Variants in FAM161A observed in about 807,000 individuals in gnomAD.
The protein encoded by FAM161A is protein FAM161A.
In FAM161A, 57 loss-of-function variants were observed where a neutral mutation model predicts 70.9. The ratio of observed to expected loss-of-function variants is 0.80; its 90% CI spans 0.65 to 1.00. The LOEUF (loss-of-function observed/expected upper bound fraction) is 1.00, where lower values mean the gene tolerates loss of function less well. Ranked by LOEUF, FAM161A falls within the 50% of genes least tolerant of loss-of-function variation. The pLI, the probability that FAM161A is intolerant of heterozygous loss-of-function variation, is 0.00. For synonymous variants in FAM161A, 299 were observed against 295.7 expected (o/e 1.01, Z -0.12); for missense variants, 880 against 836.0 (o/e 1.05, Z -0.65).
the FAM161A span, among the ~76,000 whole-genome samples, chr2:61,819,181 T>A: frequency 6.6e-6 from 1 of 152,254 alleles, no homozygotes; most frequent in African/African-American, 2.4e-5. Flanking sequence ...AAAAAGAGAC[T>A]AAAGAGCTAT....
chr2:61,819,274 C>A, the FAM161A span, among the ~76,000 whole-genome samples: 1 of 152,136 alleles, frequency 6.6e-6, no homozygotes, highest in Non-Finnish European at 1.5e-5. Flanking sequence ...CCAGCCTGGG[C>A]AACATGGCAA....
intron 1 of FAM161A, among the ~76,000 whole-genome samples, chr2:61,849,925 G>A (rs1261843482): frequency 3.7e-5 from 5 of 133,976 alleles, no homozygotes; most frequent in Admixed American, 1.6e-4. Flanking sequence ...GAGTACACAC[G>A]AACATAAACA....
intron 5 of FAM161A, among the ~76,000 whole-genome samples, chr2:61,834,369 G>A (rs1439844554): frequency 6.6e-6 from 1 of 152,030 alleles, no homozygotes; most frequent in Non-Finnish European, 1.5e-5. Flanking sequence ...GTGGAGGGAG[G>A]AGGGCAAGGG....
At chr2:61,824,738 T>C, downstream of FAM161A, 1 of 290,004 alleles carries the variant, frequency 3.4e-6, no homozygotes, top group East Asian at 9.0e-5. Flanking sequence ...TTTTAAGTAC[T>C]ATTACAATTT....
At position 61,837,064 on chromosome 2, in the gene FAM161A, CATT is replaced by C. The variant is rs1329220761; in HGVS notation, c.1752-958_1752-956del. On this transcript the variant is annotated intron_variant, in intron 4 of 6. Transcript: ENST00000404929. The stretch of plus-strand genomic sequence containing the variant: ...AAATTTTTTGTAGAGATGGGGGTCT[CATT>C]ATGTTTACCAGGCTGGTCTCAAACT... Among the ~76,000 whole-genome samples the C allele has an allele frequency of 5.9e-5, 9 of 152,144 alleles. No individual in the cohort carries two copies. In the East Asian group the frequency reaches 1.7e-3, roughly 29 times the overall value.
the FAM161A span, among the ~76,000 whole-genome samples, chr2:61,816,859 C>A: frequency 6.6e-6 from 1 of 152,162 alleles, no homozygotes. Flanking sequence ...ACTCTAGCCA[C>A]ACTGGCTGCA....
chr2:61,815,135 G>C, the FAM161A span, among the ~76,000 whole-genome samples: 2 of 152,110 alleles, frequency 1.3e-5, no homozygotes, highest in African/African-American at 4.8e-5. Flanking sequence ...CTTTTATATA[G>C]ACCTTAAGTC....
chr2:61,825,021 GT>G lies in FAM161A; in HGVS notation c.*1433del, dbSNP rs1417232657. 4.4e-6 allele frequency: 2 copies of G among 453,180 alleles called. No individual in the cohort carries two copies. Among genetic ancestry groups the G allele is most frequent in the Non-Finnish European group, 4.4e-6 (1 of 226,612 alleles). 28.1% of individuals were successfully genotyped at this position (453,180 alleles called of 1,614,324 possible). A position where few individuals can be genotyped will look rare whatever the true frequency, so the allele number is the denominator to read the frequency against. ...ACGAACTGTAGGAAGAAAATTACAAGTAAACATTTGCCCCTGATGGAGAAAA... is the reference window on the plus strand; with the variant it reads ...ACGAACTGTAGGAAGAAAATTACAAGAAACATTTGCCCCTGATGGAGAAAA... On this transcript the variant is annotated 3_prime_UTR_variant, in exon 7 of 7. Transcript: ENST00000404929.
At chr2:61,810,453 C>CTTTTTTTTTT in the FAM161A span, among the ~76,000 whole-genome samples, 6 of 95,614 alleles carry the variant, frequency 6.3e-5, no homozygotes, top group African/African-American at 8.6e-5. Context: ...CCAGCACTTC[C>CTTTTTTTTTT]TTTTTTTTTT....
At chr2:61,823,361 TCATATA>T (rs1383945459), downstream of FAM161A, among the ~76,000 whole-genome samples, 11 of 9,320 alleles carry the variant, frequency 1.2e-3, no homozygotes, top group African/African-American at 2.5e-3. Flanking sequence ...AAATTTTCCA[TCATATA>T]TATATATATA....
At chr2:61,826,799 T>C (rs530255784) in intron 6 of FAM161A, among the ~76,000 whole-genome samples, 200 bp from the exon 7 acceptor site, 1 of 152,328 alleles carries the variant, frequency 6.6e-6, no homozygotes, top group African/African-American at 2.4e-5. Context: ...AAAACTAATT[T>C]ATTTCAAAAT....
At chr2:61,800,380 C>T in the FAM161A span, among the ~76,000 whole-genome samples, 1 of 152,308 alleles carries the variant, frequency 6.6e-6, no homozygotes, top group South Asian at 2.1e-4. Context: ...TGTTTTCCCA[C>T]ATGGTCAGGA....
intron 4 of FAM161A, 97 bp from the exon 5 acceptor site, chr2:61,836,206 TGA>T (rs758280159): frequency 5.5e-6 from 5 of 913,196 alleles, no homozygotes; most frequent in Non-Finnish European, 7.0e-6. Flanking sequence ...ACAAAGTCAA[TGA>T]AAAAAAAGAA....
At chr2:61,811,860 T>C in the FAM161A span, among the ~76,000 whole-genome samples, 1 of 152,000 alleles carries the variant, frequency 6.6e-6, no homozygotes, top group Non-Finnish European at 1.5e-5. Flanking sequence ...CTCCCAAAGC[T>C]CCCTATCTCA....
downstream of FAM161A, among the ~76,000 whole-genome samples, chr2:61,821,547 T>C (rs1244103733): frequency 2.0e-5 from 3 of 152,170 alleles, no homozygotes. Context: ...GCCATAGTTT[T>C]ATTTTTCATT....
At chr2:61,813,990 G>A in the FAM161A span, among the ~76,000 whole-genome samples, 1 of 152,094 alleles carries the variant, frequency 6.6e-6, no homozygotes, top group Non-Finnish European at 1.5e-5. Flanking sequence ...TGTATGAGGT[G>A]CCAGGCAGTC....
chr2:61,843,340 T>C lies in FAM161A; in HGVS notation c.184-980A>G, dbSNP rs1398406516. 2.6e-5 allele frequency among the ~76,000 whole-genome samples: 4 copies of C among 152,312 alleles called. No homozygotes were observed. The East Asian group carries it at 5.8e-4, about 22-fold the overall frequency. On this transcript the variant is annotated intron_variant, in intron 1 of 6. Transcript: ENST00000404929. ...CGGGGTTTCACCATGTTGGCCAGAC[T>C]GGTCTTGAATTCTTGACCTCAGGTG...
At chr2:61,815,117 G>T in the FAM161A span, among the ~76,000 whole-genome samples, 1 of 151,860 alleles carries the variant, frequency 6.6e-6, no homozygotes, top group African/African-American at 2.4e-5. Context: ...AGCAACCTTG[G>T]GTCAATTCTT....
At chr2:61,836,157 TAAG>T (rs776129246) in intron 4 of FAM161A, 48 bp from the exon 5 acceptor site, 2 of 1,313,988 alleles carry the variant, frequency 1.5e-6, no homozygotes, top group African/African-American at 2.9e-5. Context: ...ATCTAAGAAA[TAAG>T]AACTTACATA....
Sources: allele counts gnomAD v4.1 joint callset (sites outside exome capture counted in the v4.1 genomes callset), GRCh38; gene constraint gnomAD v4.1.1; transcripts MANE v1.5; gene names NCBI Gene and HGNC (gene_info 2026-07-23, HGNC 2026-07-21).